ZNRF3: variants seen among roughly 807,000 people sequenced by gnomAD.
The protein encoded by ZNRF3 is E3 ubiquitin-protein ligase ZNRF3.
A neutral mutation model predicts 72.5 loss-of-function variants in ZNRF3; 23 were observed. The ratio of observed to expected loss-of-function variants is 0.32; its 90% CI spans 0.23 to 0.45. ZNRF3 has a LOEUF of 0.45. Ranked by LOEUF, ZNRF3 falls within the 20% of genes least tolerant of loss-of-function variation. The pLI is 1.00. For synonymous variants in ZNRF3, 610 were observed against 545.3 expected, an observed-to-expected ratio of 1.12 and a Z score of -1.65; for missense variants, 1,169 against 1,272.1, an observed-to-expected ratio of 0.92 and a Z score of 1.23.
intron 2 of ZNRF3, among the ~76,000 whole-genome samples, chr22:29,001,194 G>A (rs914466013): frequency 1.4e-5 from 2 of 142,370 alleles, no homozygotes; most frequent in East Asian, 2.3e-4. Flanking sequence ...TCAGCCTCCC[G>A]AGTAGCTGGG....
At chr22:28,956,353 C>CTTTTTTT (rs61155224) in intron 1 of ZNRF3, among the ~76,000 whole-genome samples, 1 of 110,432 alleles carries the variant, frequency 9.1e-6, no homozygotes, top group African/African-American at 3.5e-5. Flanking sequence ...TTTCCATTTC[C>CTTTTTTT]TTTTTTTTTT....
At chr22:28,894,246 C>G (rs1056663271) in intron 1 of ZNRF3, among the ~76,000 whole-genome samples, 2 of 152,036 alleles carry the variant, frequency 1.3e-5, no homozygotes, top group African/African-American at 4.8e-5. Context: ...GCGTGAGCCA[C>G]TGTGACCCAC....
At chr22:29,053,317 A>C (rs757247173) in intron 8 of ZNRF3, among the ~76,000 whole-genome samples, 1 of 152,212 alleles carries the variant, frequency 6.6e-6, no homozygotes, top group Non-Finnish European at 1.5e-5. Flanking sequence ...CCGGGCACCC[A>C]GTTAACATCT....
chr22:28,996,844 A>G (rs1244513673), intron 2 of ZNRF3, among the ~76,000 whole-genome samples: 4 of 152,232 alleles, frequency 2.6e-5, no homozygotes, highest in East Asian at 1.9e-4. Flanking sequence ...GCTTACCTGG[A>G]TGGGTCTTTA....
chr22:28,918,537 CGTGT>C (rs56876101), intron 1 of ZNRF3, among the ~76,000 whole-genome samples: 19,862 of 148,558 alleles, frequency 0.13, 1,437 homozygotes, highest in African/African-American at 0.15. Flanking sequence ...TGCATGTGTG[CGTGT>C]GTGTGTGTGT....
chr22:29,046,444 T>G (rs1337036980), intron 5 of ZNRF3, among the ~76,000 whole-genome samples: 1 of 152,116 alleles, frequency 6.6e-6, no homozygotes. Flanking sequence ...AGGCAGCAGG[T>G]CCAAGTAATT....
rs56876101 is a variant in ZNRF3 at position 28,918,537 on chromosome 22, CGTGTGTGTGTGTGTGTGTGTGTGT to C, written c.300+34492_300+34515del. On this transcript the variant is annotated intron_variant, in intron 1 of 8. Transcript: ENST00000544604. ...GTGTGTATGTGTATCTGCATGTGTG[CGTGTGTGTGTGTGTGTGTGTGTGT>C]GTGTGTGTGTGTGTGTGTGTAAAGT... Among the ~76,000 whole-genome samples the C allele has an allele frequency of 9.4e-5, 14 of 148,862 alleles. No individual in the cohort carries two copies. The East Asian group carries it at 1.2e-3, about 13-fold the overall frequency.
In ZNRF3 at chr22:29,012,594, G is replaced by GA. The variant is rs896792575; in HGVS notation, c.426+25397dup. The stretch of plus-strand genomic sequence containing the variant: ...TTAGATAGTTGTGGATAACTGAAGT[G>GA]AAAACAAAGACATACCTTTCAGCAT... On this transcript the variant is annotated intron_variant, in intron 2 of 8. Coordinates refer to ENST00000544604, the MANE Select transcript of ZNRF3 (RefSeq NM_001206998.2). Among the ~76,000 whole-genome samples the GA allele has an allele frequency of 1.2e-4, 18 of 152,322 alleles. No individual in the cohort carries two copies. In the East Asian group the frequency reaches 2.5e-3, roughly 21 times the overall value.
chr22:28,976,698 C>T (rs1443903154), intron 1 of ZNRF3, among the ~76,000 whole-genome samples: 1 of 152,098 alleles, frequency 6.6e-6, no homozygotes, highest in Non-Finnish European at 1.5e-5. Flanking sequence ...TTATAAGTTG[C>T]CTTGCAATTT....
At chr22:28,975,984 A>G (rs183660087) in intron 1 of ZNRF3, among the ~76,000 whole-genome samples, 12 of 152,294 alleles carry the variant, frequency 7.9e-5, no homozygotes, top group East Asian at 1.9e-4. Context: ...TTTTCTTACT[A>G]TAAATTAGTT....
intron 1 of ZNRF3, among the ~76,000 whole-genome samples, chr22:28,947,378 G>A (rs760165132): frequency 6.6e-6 from 1 of 152,124 alleles, no homozygotes; most frequent in Non-Finnish European, 1.5e-5. Flanking sequence ...ACTTAGGAGC[G>A]GAATTGCTGG....
chr22:29,032,646 G>T (rs1343206357), intron 2 of ZNRF3, among the ~76,000 whole-genome samples: 1 of 152,216 alleles, frequency 6.6e-6, no homozygotes, highest in African/African-American at 2.4e-5. Flanking sequence ...CCTAGAGTGA[G>T]CTGCAATCAG....
chr22:29,038,091 C>A (rs185645482), intron 2 of ZNRF3, among the ~76,000 whole-genome samples: 4 of 152,320 alleles, frequency 2.6e-5, no homozygotes, highest in African/African-American at 9.6e-5. Flanking sequence ...GAAAGGGCCC[C>A]AGCTTCAGAG....
Position 28,883,705 on chromosome 22 carries a change from C to A in ZNRF3, c.-62C>A. The A allele has an allele frequency of 1.0e-6, 1 of 983,964 alleles. No homozygotes were observed. Among genetic ancestry groups the A allele is most frequent in the South Asian group, 4.5e-5 (1 of 22,046 alleles). The allele number at this position is 983,964 out of a possible 1,614,324, so 61.0% of individuals were successfully genotyped here. ...GTGAGGCGTCCGCCCGCGTTCGGTC[C>A]TCAGCCGGCCCGCGACTATGCCCGG... is the stretch of plus-strand genomic sequence containing the variant. On this transcript the variant is annotated 5_prime_UTR_variant, in exon 1 of 9. Transcript: ENST00000544604. The surrounding 1 kb of genome is among the most constrained non-coding windows in gnomAD (Gnocchi z 5.5).
intron 1 of ZNRF3, among the ~76,000 whole-genome samples, chr22:28,918,544 G>GCA (rs1569245435): frequency 8.7e-6 from 1 of 115,330 alleles, no homozygotes; most frequent in Non-Finnish European, 1.7e-5. Flanking sequence ...GTGCGTGTGT[G>GCA]TGTGTGTGTG....
chr22:29,035,579 A>T (rs577861563), intron 2 of ZNRF3, among the ~76,000 whole-genome samples: 20 of 152,032 alleles, frequency 1.3e-4, no homozygotes, highest in Admixed American at 2.6e-4. Context: ...TTATTTTAAA[A>T]TTTTTTTTCT....
chr22:28,914,198 G>A (rs1415427242), intron 1 of ZNRF3, among the ~76,000 whole-genome samples: 4 of 152,150 alleles, frequency 2.6e-5, no homozygotes, highest in Non-Finnish European at 5.9e-5. Flanking sequence ...CCTGGATTTC[G>A]AGGTGGCCAC....
At chr22:28,938,874 C>T (rs2034889421) in intron 1 of ZNRF3, among the ~76,000 whole-genome samples, 1 of 152,176 alleles carries the variant, frequency 6.6e-6, no homozygotes, top group South Asian at 2.1e-4. Flanking sequence ...CATGGCAGAA[C>T]AGATGGAAGT....
chr22:29,005,712 A>G (rs2036229458), intron 2 of ZNRF3, among the ~76,000 whole-genome samples: 1 of 152,126 alleles, frequency 6.6e-6, no homozygotes, highest in Admixed American at 6.5e-5. Context: ...GAAGCCTCTC[A>G]CATCTGACTG....
Sources: gnomAD v4.1 joint callset for allele counts (sites outside exome capture counted in the v4.1 genomes callset) on GRCh38, gnomAD v4.1.1 for gene constraint, Gnocchi (gnomAD v3.1) non-coding constraint, MANE v1.5 for transcripts, NCBI Gene and HGNC (gene_info 2026-07-23, HGNC 2026-07-21) for gene names.